The following RAD52 variants were observed in gnomAD, a reference collection of about 807,000 sequenced individuals.
RAD52 encodes DNA repair protein RAD52 homolog.
RAD52 carries 47 observed loss-of-function variants against 55.5 expected under a neutral mutation model. That is an observed-to-expected ratio of 0.85 (90% CI 0.67 to 1.08). The LOEUF is 1.08. RAD52 is among the 50% of genes least tolerant of loss of function. The pLI is 0.00. For missense variants in RAD52, 468 were observed against 522.8 expected (o/e 0.90, Z 1.02); for synonymous variants, 184 against 198.9 (o/e 0.92, Z 0.63).
intron 1 of RAD52, among the ~76,000 whole-genome samples, chr12:958,376 C>T (rs932612592): frequency 1.4e-4 from 22 of 152,028 alleles, no homozygotes; most frequent in African/African-American, 5.1e-4. Context: ...CCACCATACC[C>T]GGTTAATTTT....
At chr12:989,876 T>C (rs1397054919) in exon 1 of RAD52, 2 of 152,140 alleles carry the variant, frequency 1.3e-5, no homozygotes, top group Admixed American at 6.6e-5. Flanking sequence ...TCATGAAAAA[T>C]AGTCAAAGGA....
At chr12:935,169 T>C (rs991977871) in intron 1 of RAD52, among the ~76,000 whole-genome samples, 3 of 151,640 alleles carry the variant, frequency 2.0e-5, no homozygotes, top group East Asian at 1.9e-4. Flanking sequence ...CACTACTATA[T>C]AGGCAGCATG....
intron 1 of RAD52, among the ~76,000 whole-genome samples, chr12:946,368 A>G (rs1188582340): frequency 6.6e-6 from 1 of 152,194 alleles, no homozygotes. Flanking sequence ...TGTCCTGTAA[A>G]GCCATCATGA....
chr12:914,614 T>C, intron 9 of RAD52, 82 bp from the exon 10 acceptor site: 1 of 1,517,302 alleles, frequency 6.6e-7, no homozygotes, highest in South Asian at 1.2e-5. Flanking sequence ...ACTCCCCTCT[T>C]GTTAGAGGGA....
chr12:964,653 A>G (rs374559248), intron 1 of RAD52, among the ~76,000 whole-genome samples: 4 of 152,186 alleles, frequency 2.6e-5, no homozygotes, highest in South Asian at 4.1e-4. Flanking sequence ...GTCACAGCTC[A>G]CTGCAGCTTC....
At chr12:918,628 T>C (rs1056620070) in intron 7 of RAD52, among the ~76,000 whole-genome samples, 4 of 152,152 alleles carry the variant, frequency 2.6e-5, no homozygotes, top group African/African-American at 9.7e-5. Flanking sequence ...CTGGCTGGTC[T>C]CCAACTCTTG....
intron 7 of RAD52, among the ~76,000 whole-genome samples, chr12:918,549 C>T (rs1447622899): frequency 1.3e-5 from 2 of 152,046 alleles, no homozygotes; most frequent in African/African-American, 4.8e-5. Context: ...GGCGCCACCA[C>T]CAGGCCCAGC....
intron 1 of RAD52, among the ~76,000 whole-genome samples, chr12:943,073 G>A (rs1354818003): frequency 6.6e-6 from 1 of 152,142 alleles, no homozygotes; most frequent in Non-Finnish European, 1.5e-5. Flanking sequence ...CATGGGCACA[G>A]GAAAAAGTGC....
At chr12:937,825 C>A (rs1006101433) in intron 1 of RAD52, among the ~76,000 whole-genome samples, 15 of 152,276 alleles carry the variant, frequency 9.9e-5, no homozygotes, top group African/African-American at 3.1e-4. Context: ...ATCCAGACTA[C>A]TTTGCACCTG....
At chr12:914,732 A>T (rs557986093) in intron 9 of RAD52, among the ~76,000 whole-genome samples, 200 bp from the exon 10 acceptor site, 1 of 152,326 alleles carries the variant, frequency 6.6e-6, no homozygotes, top group South Asian at 2.1e-4. Context: ...TGTGGTTTGA[A>T]TTCTTCTCAC....
intron 2 of RAD52, among the ~76,000 whole-genome samples, chr12:931,879 CAG>C (rs1272877164): frequency 6.6e-6 from 1 of 152,208 alleles, no homozygotes; most frequent in Non-Finnish European, 1.5e-5. Context: ...CCTGCACAAA[CAG>C]AAACACACTA....
chr12:971,568 C>G (rs1360062373), intron 1 of RAD52, among the ~76,000 whole-genome samples: 1 of 151,950 alleles, frequency 6.6e-6, no homozygotes, highest in Non-Finnish European at 1.5e-5. Context: ...TTTTTAAATA[C>G]TTTAAAAAAT....
chr12:914,497 G>T lies in RAD52; in HGVS notation c.901C>A (p.Pro301Thr), dbSNP rs1428456119. The part of the protein sequence containing the change: ...PPAPPVTHST[P>T]VTVSEPLLEK... The stretch of plus-strand genomic sequence containing the variant: ...AGGAGTGGTTCTGAGACAGTTACAG[G>T]AGTGCTGTGCGTCACAGGAGGGGCC... Residue 301 changes from proline to threonine, a missense_variant, in exon 10 of 12, where the codon CCT (proline) becomes ACT (threonine). By Grantham distance (38) the Pro-to-Thr change is conservative (BLOSUM62 -1). Transcript: ENST00000358495. 6.2e-7 allele frequency: 1 copy of T among 1,613,758 alleles called. No individual in the cohort carries two copies.
At chr12:935,840 T>C (rs1957586921) in intron 1 of RAD52, among the ~76,000 whole-genome samples, 1 of 147,944 alleles carries the variant, frequency 6.8e-6, no homozygotes, top group Non-Finnish European at 1.5e-5. Context: ...GAAACAAGAG[T>C]GAAACTCCGT....
rs1956200995 is a variant in RAD52, at chr12:913,458, G to A, written c.1196-6C>T. The A allele has an allele frequency of 1.3e-6, 2 of 1,591,500 alleles. No homozygotes were observed. Among genetic ancestry groups the A allele is most frequent in the Non-Finnish European group, 1.7e-6 (2 of 1,161,522 alleles). ...CCTATGAGATTCCCAGTTTCCTATGGAAGACAAAATGGCTTAAATGTAGCT... is the reference window on the plus strand; with the variant it reads ...CCTATGAGATTCCCAGTTTCCTATGAAAGACAAAATGGCTTAAATGTAGCT... On this transcript the variant is annotated splice_region_variant and splice_polypyrimidine_tract_variant and intron_variant, in intron 11 of 11. Coordinates refer to ENST00000358495, the MANE Select transcript of RAD52 (RefSeq NM_134424.4).
At chr12:937,592 A>G (rs1384104152) in intron 1 of RAD52, among the ~76,000 whole-genome samples, 1 of 151,882 alleles carries the variant, frequency 6.6e-6, no homozygotes, top group Non-Finnish European at 1.5e-5. Flanking sequence ...CGCCTGGCTA[A>G]TTTTTGTATT....
intron 1 of RAD52, among the ~76,000 whole-genome samples, chr12:969,947 T>C (rs1182583553): frequency 1.3e-5 from 2 of 152,078 alleles, no homozygotes; most frequent in Admixed American, 6.6e-5. Flanking sequence ...GCTTCTGTTC[T>C]GTTGACAGAC....
chr12:982,039 T>C (rs796610636), intron 1 of RAD52, among the ~76,000 whole-genome samples: 78 of 152,306 alleles, frequency 5.1e-4, no homozygotes, highest in Middle Eastern at 3.4e-3. Context: ...TCCCCAGACC[T>C]GTATCTTCTG....
At chr12:934,484 A>G (rs1217934697) in intron 1 of RAD52, among the ~76,000 whole-genome samples, 1 of 147,624 alleles carries the variant, frequency 6.8e-6, no homozygotes, top group Non-Finnish European at 1.5e-5. Flanking sequence ...AAAAAAAATC[A>G]TCTTTAGGCT....
Sources: allele counts gnomAD v4.1 joint callset (sites outside exome capture counted in the v4.1 genomes callset), GRCh38; gene constraint gnomAD v4.1.1; transcripts MANE v1.5; gene names NCBI Gene and HGNC (gene_info 2026-07-23, HGNC 2026-07-21).